The following ABCC4 variants were observed in gnomAD, a reference collection of about 807,000 sequenced individuals.
The protein encoded by ABCC4 is ATP binding cassette subfamily C member 4 (PEL blood group), also known as ATP-binding cassette sub-family C member 4.
Under a neutral mutation model 168.5 loss-of-function variants are expected in ABCC4, and 102 were observed. The observed-to-expected ratio is 0.61, with a 90% CI of 0.52 to 0.71. The LOEUF is 0.71. Among genes scored for constraint, ABCC4 ranks in the 30% least tolerant of loss-of-function variants. ABCC4 has a pLI of 0.00. For missense variants in ABCC4, 1,402 were observed against 1,605.8 expected (o/e 0.87, Z 2.17); for synonymous variants, 617 against 590.7 (o/e 1.04, Z -0.65).
chr13:95,122,734 CA>C (rs2035616513), intron 19 of ABCC4, among the ~76,000 whole-genome samples: 1 of 152,154 alleles, frequency 6.6e-6, no homozygotes, highest in Non-Finnish European at 1.5e-5. Context: ...CTCTTGCTGA[CA>C]AATGTAGCTC....
chr13:95,196,074 A>G (rs1298148227), intron 8 of ABCC4, among the ~76,000 whole-genome samples: 1 of 152,188 alleles, frequency 6.6e-6, no homozygotes, highest in Non-Finnish European at 1.5e-5. Flanking sequence ...GTTAACCATA[A>G]CAAACCTAAC....
intron 4 of ABCC4, among the ~76,000 whole-genome samples, chr13:95,225,630 A>C (rs1232354904): frequency 6.6e-6 from 1 of 152,220 alleles, no homozygotes; most frequent in African/African-American, 2.4e-5. Flanking sequence ...AGATCGTGCC[A>C]CTGCACTCCA....
At chr13:95,203,512 C>G (rs2038691249) in intron 8 of ABCC4, among the ~76,000 whole-genome samples, 1 of 151,944 alleles carries the variant, frequency 6.6e-6, no homozygotes, top group African/African-American at 2.4e-5. Flanking sequence ...CATGTACCAC[C>G]ATGCCTGACT....
At chr13:95,272,129 C>T (rs1484639637) in intron 1 of ABCC4, among the ~76,000 whole-genome samples, 1 of 151,974 alleles carries the variant, frequency 6.6e-6, no homozygotes, top group Non-Finnish European at 1.5e-5. Context: ...ACTGCAACCT[C>T]CACCTCCTAG....
intron 15 of ABCC4, 83 bp downstream of exon 15, chr13:95,166,075 C>G: frequency 8.0e-7 from 1 of 1,257,596 alleles, no homozygotes; most frequent in Non-Finnish European, 1.1e-6. Context: ...AAAGATGAAG[C>G]TTTGAACAGA....
Position 95,073,197 on chromosome 13 carries a change from A to AT in ABCC4, c.3018+6dup. Reference sequence around the variant, plus strand: ...GAAAAGGCAAAGAACGTGAAGGTAAATATTACCATATTCTCAACTTCAGCA... The same window carrying AT: ...GAAAAGGCAAAGAACGTGAAGGTAAATTATTACCATATTCTCAACTTCAGCA... On this transcript the variant is annotated splice_region_variant and intron_variant, in intron 24 of 30. Transcript: ENST00000645237. 6.2e-7 allele frequency: 1 copy of AT among 1,609,236 alleles called. No homozygotes were observed. The highest frequency in any genetic ancestry group is 8.5e-7 in the Non-Finnish European group (1 of 1,175,906).
intron 20 of ABCC4, among the ~76,000 whole-genome samples, chr13:95,085,157 G>A (rs2034216440): frequency 6.6e-6 from 1 of 152,156 alleles, no homozygotes; most frequent in African/African-American, 2.4e-5. Flanking sequence ...TATAAGGAGA[G>A]GCCAGTTGTG....
At chr13:95,041,633 C>T (rs1426195801) in intron 29 of ABCC4, among the ~76,000 whole-genome samples, 1 of 151,998 alleles carries the variant, frequency 6.6e-6, no homozygotes, top group African/African-American at 2.4e-5. Context: ...AATAACAGAA[C>T]AGAACATGTG....
intron 30 of ABCC4, among the ~76,000 whole-genome samples, chr13:95,030,984 A>G (rs2031853012): frequency 6.6e-6 from 1 of 152,210 alleles, no homozygotes; most frequent in African/African-American, 2.4e-5. Context: ...CGTGGTCAAG[A>G]ATACGTGACT....
chr13:95,063,491 G>A (rs933672271), intron 25 of ABCC4, among the ~76,000 whole-genome samples: 1 of 152,128 alleles, frequency 6.6e-6, no homozygotes, highest in Non-Finnish European at 1.5e-5. Flanking sequence ...AAATTCTGAA[G>A]TGAAGATTGC....
chr13:95,060,107 T>C (rs2033227581), intron 26 of ABCC4, among the ~76,000 whole-genome samples: 1 of 152,218 alleles, frequency 6.6e-6, no homozygotes, highest in African/African-American at 2.4e-5. Flanking sequence ...CTCTAGACTA[T>C]GTTTCTTTTT....
chr13:95,298,444 C>T (rs528382500), intron 1 of ABCC4, among the ~76,000 whole-genome samples: 1 of 152,190 alleles, frequency 6.6e-6, no homozygotes, highest in African/African-American at 2.4e-5. Flanking sequence ...TCACCACCCC[C>T]ACCCACACAC....
intron 21 of ABCC4, among the ~76,000 whole-genome samples, chr13:95,080,230 T>A (rs1375355284): frequency 6.6e-6 from 1 of 152,150 alleles, no homozygotes; most frequent in Non-Finnish European, 1.5e-5. Flanking sequence ...CAAACAGAAA[T>A]TGGATACGGC....
Position 95,166,387 on chromosome 13 carries a change from T to C in ABCC4, c.1825-20A>G. On this transcript the variant is annotated intron_variant, in intron 14 of 30. Coordinates refer to ENST00000645237, the MANE Select transcript of ABCC4 (RefSeq NM_005845.5). ...TTTACCCTAAAATAAAAATAAAGAA[T>C]TTCAGAGAGATACATGTGCAGGTGA... is the stretch of plus-strand genomic sequence containing the variant. The C allele has an allele frequency of 6.3e-7, 1 of 1,590,546 alleles. No individual in the cohort carries two copies. Among genetic ancestry groups the C allele is most frequent in the South Asian group, 1.1e-5 (1 of 89,896 alleles).
intron 26 of ABCC4, among the ~76,000 whole-genome samples, chr13:95,059,065 C>A (rs1245518722): frequency 1.3e-5 from 2 of 152,196 alleles, no homozygotes; most frequent in African/African-American, 4.8e-5. Flanking sequence ...TGTTTCTGTG[C>A]GTGTGTGCGC....
intron 30 of ABCC4, among the ~76,000 whole-genome samples, chr13:95,025,854 G>A (rs1282278705): frequency 6.6e-6 from 1 of 152,154 alleles, no homozygotes; most frequent in East Asian, 1.9e-4. Flanking sequence ...AAACATGGCA[G>A]AGCAACAGAA....
Position 95,218,913 on chromosome 13 carries a change from GAGAGAGAAAGAAAGAGAA to G in ABCC4, c.532-8150_532-8133del, listed in dbSNP as rs1320031731. Among the ~76,000 whole-genome samples, 34 of 7,886 alleles carry G rather than the reference GAGAGAGAAAGAAAGAGAA, an allele frequency of 4.3e-3. 2 individuals carry two copies. The highest frequency in any genetic ancestry group is 0.083 in the Middle Eastern group (2 of 24). 5.2% of individuals were successfully genotyped at this position (7,886 alleles called of 152,430 possible). A position where few individuals can be genotyped will look rare whatever the true frequency, so the allele number is the denominator to read the frequency against. ...CAGATGAGAGAGAGAGAAAGAGAGA[GAGAGAGAAAGAAAGAGAA>G]AGAAAGAAAGAAAGAAAGAAAGAAA... On this transcript the variant is annotated intron_variant, in intron 4 of 30. Transcript: ENST00000645237.
chr13:95,174,377 CA>C (rs2037590447), intron 13 of ABCC4, among the ~76,000 whole-genome samples: 1 of 152,230 alleles, frequency 6.6e-6, no homozygotes, highest in Non-Finnish European at 1.5e-5. Context: ...CGCCATCTTT[CA>C]TAGCATATTG....
chr13:95,140,843 G>T (rs1351820906), intron 19 of ABCC4, among the ~76,000 whole-genome samples: 1 of 152,094 alleles, frequency 6.6e-6, no homozygotes, highest in Non-Finnish European at 1.5e-5. Context: ...GTCTGCTATT[G>T]TAACCTACAG....
Sources: allele counts gnomAD v4.1 joint callset (sites outside exome capture counted in the v4.1 genomes callset), GRCh38; gene constraint gnomAD v4.1.1; transcripts MANE v1.5; gene names NCBI Gene and HGNC (gene_info 2026-07-23, HGNC 2026-07-21).